The following STT3B variants were observed in gnomAD, a reference collection of about 807,000 sequenced individuals.
The protein encoded by STT3B is STT3 oligosaccharyltransferase complex catalytic subunit B.
STT3B carries 29 observed loss-of-function variants against 96.8 expected under a neutral mutation model. That is an observed-to-expected ratio of 0.30 (90% CI 0.22 to 0.41). The LOEUF (loss-of-function observed/expected upper bound fraction) is 0.41. Among genes scored for constraint, STT3B ranks in the 10% least tolerant of loss-of-function variants. STT3B has a pLI of 1.00. For missense variants in STT3B, 640 were observed against 1,022.3 expected (o/e 0.63, Z 5.10); for synonymous variants, 367 against 360.0 (o/e 1.02, Z -0.22).
chr3:31,560,680 T>C (rs1697856588), intron 1 of STT3B, among the ~76,000 whole-genome samples: 1 of 152,150 alleles, frequency 6.6e-6, no homozygotes, highest in African/African-American at 2.4e-5. Flanking sequence ...GTTTGTGGAA[T>C]TCTCTCCTTA....
intron 1 of STT3B, among the ~76,000 whole-genome samples, chr3:31,559,960 G>A (rs954509196): frequency 1.3e-5 from 2 of 151,898 alleles, no homozygotes; most frequent in African/African-American, 4.8e-5. Context: ...TCTTTTTACT[G>A]TTTTTTGACT....
intron 14 of STT3B, among the ~76,000 whole-genome samples, chr3:31,630,292 A>G (rs916014320): frequency 2.0e-5 from 3 of 152,226 alleles, no homozygotes; most frequent in Non-Finnish European, 4.4e-5. Flanking sequence ...GCCCAGAGAA[A>G]GCACCAGAGG....
intron 14 of STT3B, among the ~76,000 whole-genome samples, chr3:31,631,724 T>C (rs1439184795): frequency 6.6e-6 from 1 of 152,022 alleles, no homozygotes; most frequent in Non-Finnish European, 1.5e-5. Flanking sequence ...GGTGGGAGGA[T>C]TGCTTCAGCC....
At chr3:31,538,330 T>G (rs1697152409) in intron 1 of STT3B, among the ~76,000 whole-genome samples, 1 of 152,208 alleles carries the variant, frequency 6.6e-6, no homozygotes, top group Non-Finnish European at 1.5e-5. Context: ...ACATGCTGTT[T>G]CAGTATCCTC....
At chr3:31,582,996 G>T (rs1303070656) in intron 3 of STT3B, among the ~76,000 whole-genome samples, 1 of 152,170 alleles carries the variant, frequency 6.6e-6, no homozygotes, top group Non-Finnish European at 1.5e-5. Context: ...ATGTGTACTT[G>T]AGAAGAATTG....
intron 4 of STT3B, 129 bp from the exon 5 acceptor site, chr3:31,600,231 T>C (rs1698899798): frequency 4.7e-6 from 2 of 426,694 alleles, no homozygotes; most frequent in Non-Finnish European, 8.2e-6. Context: ...AGTAAGTTCT[T>C]ATTTAAGCAT....
intron 1 of STT3B, among the ~76,000 whole-genome samples, chr3:31,544,906 C>T (rs1455666847): frequency 6.6e-6 from 1 of 152,088 alleles, no homozygotes; most frequent in Non-Finnish European, 1.5e-5. Context: ...CACCGCACTC[C>T]AGCCTGGGTG....
intron 5 of STT3B, among the ~76,000 whole-genome samples, chr3:31,606,027 AT>A (rs1458316533): frequency 6.6e-6 from 1 of 152,188 alleles, no homozygotes; most frequent in Non-Finnish European, 1.5e-5. Context: ...GATGGGTGGC[AT>A]TTTGCCCCTG....
chr3:31,552,516 C>A (rs1396040594), intron 1 of STT3B, among the ~76,000 whole-genome samples: 2 of 151,464 alleles, frequency 1.3e-5, no homozygotes, highest in African/African-American at 4.9e-5. Flanking sequence ...TGCTTTCTTA[C>A]CTTTTTTTTT....
intron 1 of STT3B, among the ~76,000 whole-genome samples, chr3:31,534,999 T>C (rs1314525598): frequency 6.6e-6 from 1 of 152,160 alleles, no homozygotes; most frequent in African/African-American, 2.4e-5. Context: ...AACTAGTATT[T>C]ACTGGACAAT....
chr3:31,630,736 T>C (rs971878685), intron 14 of STT3B, among the ~76,000 whole-genome samples: 5 of 152,148 alleles, frequency 3.3e-5, no homozygotes, highest in African/African-American at 1.2e-4. Context: ...CTATCAAAAC[T>C]AAAGGGGTGT....
chr3:31,632,791 G>GC (rs1699690114), intron 14 of STT3B, 144 bp from the exon 15 acceptor site: 1 of 669,530 alleles, frequency 1.5e-6, no homozygotes. Context: ...AGCAATACAT[G>GC]AGAACTATTA....
intron 1 of STT3B, among the ~76,000 whole-genome samples, chr3:31,543,094 A>G (rs1697321059): frequency 6.6e-6 from 1 of 151,596 alleles, no homozygotes; most frequent in Non-Finnish European, 1.5e-5. Flanking sequence ...AGAGAAAGAA[A>G]TAAATTCCAG....
At chr3:31,582,227 T>C (rs1370748898) in intron 3 of STT3B, among the ~76,000 whole-genome samples, 1 of 151,966 alleles carries the variant, frequency 6.6e-6, no homozygotes, top group Non-Finnish European at 1.5e-5. Context: ...TTTATCTCTG[T>C]TATAGTCTTT....
chr3:31,597,145 T>A (rs1698810912), intron 4 of STT3B, among the ~76,000 whole-genome samples: 1 of 152,112 alleles, frequency 6.6e-6, no homozygotes, highest in Non-Finnish European at 1.5e-5. Flanking sequence ...TTTAATTTTT[T>A]AAGATTATAT....
At chr3:31,549,727 A>G (rs1440566233) in intron 1 of STT3B, among the ~76,000 whole-genome samples, 2 of 152,184 alleles carry the variant, frequency 1.3e-5, no homozygotes, top group Non-Finnish European at 2.9e-5. Context: ...ACAATAAAGA[A>G]ATGTAAATAT....
Position 31,532,968 on chromosome 3 carries a change from A to C in STT3B, c.-31A>C. 1 of 1,566,810 alleles carries C rather than the reference A, an allele frequency of 6.4e-7. No homozygotes were observed. Among genetic ancestry groups the C allele is most frequent in the Non-Finnish European group, 8.6e-7 (1 of 1,159,994 alleles). On this transcript the variant is annotated 5_prime_UTR_variant, in exon 1 of 16. Transcript: ENST00000295770. ...TCGCACCAGGCGGCGGCGGCGGAGG[A>C]GGAGAGCTAGACCCGCCGCCGGGGC...
At chr3:31,540,000 G>T (rs1697223097) in intron 1 of STT3B, among the ~76,000 whole-genome samples, 1 of 152,086 alleles carries the variant, frequency 6.6e-6, no homozygotes, top group African/African-American at 2.4e-5. Flanking sequence ...GGACCAGAAG[G>T]ATAATACTTT....
intron 3 of STT3B, among the ~76,000 whole-genome samples, chr3:31,596,495 GGATATCAGTGAGGGCAAGA>G (rs1433653780): frequency 6.6e-6 from 1 of 151,970 alleles, no homozygotes; most frequent in Non-Finnish European, 1.5e-5. Flanking sequence ...CATGGTGTGT[GGATATCAGTGAGGGCAAGA>G]GACTTTGCAG....
Sources: allele counts gnomAD v4.1 joint callset (sites outside exome capture counted in the v4.1 genomes callset), GRCh38; gene constraint gnomAD v4.1.1; transcripts MANE v1.5; gene names NCBI Gene and HGNC (gene_info 2026-07-23, HGNC 2026-07-21).